Variants in HROB observed in about 807,000 individuals in gnomAD.
HROB encodes homologous recombination OB-fold protein.
HROB carries 44 observed loss-of-function variants against 61.0 expected under a neutral mutation model. The observed-to-expected ratio is 0.72, with a 90% CI of 0.57 to 0.93. HROB has a LOEUF of 0.93. HROB is among the 40% of genes least tolerant of loss of function. The pLI is 0.00. For missense variants in HROB, 716 were observed against 796.2 expected (o/e 0.90, Z 1.21); for synonymous variants, 301 against 310.4 (o/e 0.97, Z 0.32).
In HROB at chr17:44,148,777, C is replaced by A; in HGVS notation, c.974C>A (p.Ser325Tyr). 3 of 1,614,200 alleles carry A rather than the reference C, an allele frequency of 1.9e-6. No homozygotes were observed. Among genetic ancestry groups the A allele is most frequent in the Non-Finnish European group, 1.7e-6 (2 of 1,180,034 alleles). The change falls in exon 3 of 10, where the codon TCT becomes TAT. Residue 325 changes from serine (S) to tyrosine (Y), a missense_variant. Physicochemically the swap from Ser to Tyr is moderately radical, Grantham distance 144. Transcript: ENST00000585683. ...PRPRTPNSSCSTPSRTSSGLF... is the reference protein window; with the variant it reads ...PRPRTPNSSCYTPSRTSSGLF... The stretch of plus-strand genomic sequence containing the variant: ...CCTCGAACTCCCAACTCAAGCTGTT[C>A]TACTCCCTCAAGGACTAGCTCTGGA...
chr17:44,148,720 C>G lies in HROB; in HGVS notation c.917C>G (p.Ser306Cys). 6.2e-7 allele frequency: 1 copy of G among 1,614,196 alleles called. No individual in the cohort carries two copies. The highest frequency in any genetic ancestry group is 8.5e-7 in the Non-Finnish European group (1 of 1,180,032). The change falls in exon 3 of 10, where the codon TCC (serine) becomes TGC (cysteine). Residue 306 changes from serine (S) to cysteine (C), a missense_variant. By Grantham distance (112) the Ser-to-Cys change is moderately radical. Transcript: ENST00000585683. ...TGTCAGCCATTCCAGTCTCCAAGTT[C>G]CTGGTTAAGTGGCAAAGCTCATTTA... ...FPCQPFQSPSSWLSGKAHLPR... is the reference protein window; with the variant it reads ...FPCQPFQSPSCWLSGKAHLPR...
rs1043246374 is a variant in HROB at position 44,162,442 on chromosome 17, T to G, written c.*510T>G. On this transcript the variant is annotated 3_prime_UTR_variant, in exon 10 of 10. Transcript: ENST00000585683. Reference sequence around the variant, plus strand: ...AGGTGCAGGACAGAGGTGTGGCCTATTGTACCTTGTTCTGAAATAAAGCAT... The same window carrying G: ...AGGTGCAGGACAGAGGTGTGGCCTAGTGTACCTTGTTCTGAAATAAAGCAT... 6.5e-6 allele frequency: 1 copy of G among 153,098 alleles called. No homozygotes were observed. The highest frequency in any genetic ancestry group is 2.4e-5 in the African/African-American group (1 of 41,476). The allele number at this position is 153,098 out of a possible 1,614,324, so 9.5% of individuals were successfully genotyped here. A position where few individuals can be genotyped will look rare whatever the true frequency, so the allele number is the denominator to read the frequency against.
rs148641287 is a variant in HROB, at chr17:44,157,897, A to C, written c.1835A>C (p.Asn612Thr). Residue 612 changes from asparagine to threonine, a missense_variant, in exon 9 of 10, where the codon AAC becomes ACC. Physicochemically the swap from Asn to Thr is moderately conservative, Grantham distance 65. Transcript: ENST00000585683. The part of the protein sequence containing the change: ...KPEEGFRTAQ[N>T]LEAEASPEEE... ...GAGGAAGGCTTCAGAACAGCACAGA[A>C]CCTAGAGGCAGAGGCGTCCCCTGAG... 1.9e-4 allele frequency: 312 copies of C among 1,613,582 alleles called. No individual in the cohort carries two copies. The highest frequency in any genetic ancestry group is 2.6e-4 in the Non-Finnish European group (301 of 1,179,794).
At chr17:44,154,347 A>C in intron 5 of HROB, 1 of 530,826 alleles carries the variant, frequency 1.9e-6, no homozygotes, top group Non-Finnish European at 3.4e-6. Context: ...AAAATAAAAA[A>C]GAACGGAGGC....
intron 3 of HROB, 25 bp from the exon 4 acceptor site, chr17:44,150,936 A>C (rs755930190): frequency 3.8e-6 from 6 of 1,580,098 alleles, no homozygotes; most frequent in Non-Finnish European, 1.7e-6. Flanking sequence ...GCTTGCTCTC[A>C]TCTTCTCCTT....
chr17:44,153,047 C>T (rs912166246), intron 5 of HROB, among the ~76,000 whole-genome samples: 10 of 152,150 alleles, frequency 6.6e-5, no homozygotes, highest in African/African-American at 2.4e-4. Context: ...CTGCCACCCT[C>T]AAATCTCCCT....
intron 1 of HROB, among the ~76,000 whole-genome samples, chr17:44,144,418 G>A (rs2053551768): frequency 6.6e-6 from 1 of 152,082 alleles, no homozygotes; most frequent in South Asian, 2.1e-4. Flanking sequence ...TGAGATTATA[G>A]GTGTGAGCCA....
At position 44,142,081 on chromosome 17, in the gene HROB, G is replaced by A. The variant is rs923764003; in HGVS notation, c.-62G>A. ...CCACCTGGGTCGTGTCCAAGGCCCCGGCGACTCCCCGGACTCGGGGTGCCG... is the reference window on the plus strand; with the variant it reads ...CCACCTGGGTCGTGTCCAAGGCCCCAGCGACTCCCCGGACTCGGGGTGCCG... On this transcript the variant is annotated 5_prime_UTR_variant, in exon 1 of 10. Transcript: ENST00000585683. 5 of 1,529,982 alleles carry A rather than the reference G, an allele frequency of 3.3e-6. No individual in the cohort carries two copies. The highest frequency in any genetic ancestry group is 4.4e-6 in the Non-Finnish European group (5 of 1,143,484). 94.8% of individuals were successfully genotyped at this position (1,529,982 alleles called of 1,614,324 possible).
rs2053520943 is a variant in HROB, at chr17:44,143,506, A to C, written c.3+1361A>C. On this transcript the variant is annotated intron_variant, in intron 1 of 9. Transcript: ENST00000585683. ...AAAATACAAAAAAAAATAGCCAGGC[A>C]TTGTGGCTTGGCCTGTAATCCCAGC... is the stretch of plus-strand genomic sequence containing the variant. 2.0e-5 allele frequency among the ~76,000 whole-genome samples: 3 copies of C among 151,978 alleles called. No individual in the cohort carries two copies. In the South Asian group the frequency reaches 6.2e-4, roughly 32 times the overall value.
At chr17:44,157,405 C>CTTTTTTTTTTT (rs71160088) in intron 8 of HROB, among the ~76,000 whole-genome samples, 3 of 81,476 alleles carry the variant, frequency 3.7e-5, no homozygotes, top group African/African-American at 5.1e-5. Context: ...CATCATGTTT[C>CTTTTTTTTTTT]TTTTTTTTTT....
Position 44,148,694 on chromosome 17 carries a change from T to C in HROB, c.891T>C (p.Pro297=). 6.2e-7 allele frequency: 1 copy of C among 1,614,086 alleles called. No homozygotes were observed. The highest frequency in any genetic ancestry group is 1.1e-5 in the South Asian group (1 of 91,084). The part of the protein sequence containing the change: ...TIQSSPQNRF[P]CQPFQSPSSW... ...AGAGCAGCCCTCAAAATCGTTTCCCTTGTCAGCCATTCCAGTCTCCAAGTT... is the reference window on the plus strand; with the variant it reads ...AGAGCAGCCCTCAAAATCGTTTCCCCTGTCAGCCATTCCAGTCTCCAAGTT... Residue 297 remains proline, a synonymous_variant, in exon 3 of 10, where the codon CCT becomes CCC. Coordinates refer to ENST00000585683, the MANE Select transcript of HROB (RefSeq NM_001171251.3).
chr17:44,144,779 G>A (rs1409330646), intron 1 of HROB, among the ~76,000 whole-genome samples: 1 of 141,966 alleles, frequency 7.0e-6, no homozygotes, highest in Non-Finnish European at 1.5e-5. Flanking sequence ...TCACTCTGTC[G>A]CCCAGGCTGG....
At position 44,148,271 on chromosome 17, in the gene HROB, C is replaced by T. The variant is rs373213273; in HGVS notation, c.468C>T (p.Asp156=). 2.4e-5 allele frequency: 39 copies of T among 1,614,006 alleles called. No homozygotes were observed. The highest frequency in any genetic ancestry group is 2.3e-4 in the Admixed American group (14 of 59,980). ...GTGGCTTTGAGGGGCCTGAACAAGA[C>T]GAATTTGATAAAGTCCTGGCAAGCA... The part of the protein sequence containing the change: ...QVGGFEGPEQ[D]EFDKVLASME... The change falls in exon 3 of 10, where the codon GAC becomes GAT. Residue 156 remains aspartate (D), a synonymous_variant. Coordinates refer to ENST00000585683, the MANE Select transcript of HROB (RefSeq NM_001171251.3).
rs5820524 is a variant in HROB, at chr17:44,144,741, CTT to C, written c.4-445_4-444del. Among the ~76,000 whole-genome samples, 234 of 128,856 alleles carry C rather than the reference CTT, an allele frequency of 1.8e-3. 3 individuals carry two copies. The highest frequency in any genetic ancestry group is 3.3e-3 in the African/African-American group (111 of 33,418). The allele number at this position is 128,856 out of a possible 152,430, so 84.5% of individuals were successfully genotyped here. On this transcript the variant is annotated intron_variant, in intron 1 of 9. Coordinates refer to ENST00000585683, the MANE Select transcript of HROB (RefSeq NM_001171251.3). ...AGTAAGTTTTTTAGAATACTTGGGT[CTT>C]TTTTTTTTTTTTTTTTGATACAGAC...
chr17:44,161,653 C>T (rs1486618537), intron 9 of HROB, among the ~76,000 whole-genome samples: 1 of 152,168 alleles, frequency 6.6e-6, no homozygotes, highest in Non-Finnish European at 1.5e-5. Context: ...AGGGATTACG[C>T]CCCCGCCTTT....
At chr17:44,152,609 A>G in intron 4 of HROB, 28 bp from the exon 5 acceptor site, 2 of 1,610,182 alleles carry the variant, frequency 1.2e-6, no homozygotes, top group African/African-American at 1.3e-5. Flanking sequence ...CTATTCATAC[A>G]GGCTCCCCCT....
chr17:44,149,034 G>A lies in HROB; in HGVS notation c.1224+7G>A, dbSNP rs1028449948. The A allele has an allele frequency of 6.2e-7, 1 of 1,610,254 alleles. No individual in the cohort carries two copies. The highest frequency in any genetic ancestry group is 1.1e-5 in the South Asian group (1 of 90,806). ...TGGGATCCTGCCTCACCAGGTGAGT[G>A]AGCTGGCTTTCTAGGATTTGGTGGG... On this transcript the variant is annotated splice_region_variant and intron_variant, in intron 3 of 9. Transcript: ENST00000585683.
At chr17:44,143,498 A>G (rs1230842701) in intron 1 of HROB, among the ~76,000 whole-genome samples, 2 of 151,990 alleles carry the variant, frequency 1.3e-5, no homozygotes, top group African/African-American at 4.8e-5. Flanking sequence ...AAAAAAAAAT[A>G]GCCAGGCATT....
intron 1 of HROB, among the ~76,000 whole-genome samples, chr17:44,142,822 A>T (rs1460391586): frequency 6.6e-6 from 1 of 152,156 alleles, no homozygotes; most frequent in Non-Finnish European, 1.5e-5. Flanking sequence ...CTGTGCAGAC[A>T]TGTTTGGATT....
Sources: gnomAD v4.1 joint callset for allele counts (sites outside exome capture counted in the v4.1 genomes callset) on GRCh38, gnomAD v4.1.1 for gene constraint, MANE v1.5 for transcripts, NCBI Gene and HGNC (gene_info 2026-07-23, HGNC 2026-07-21) for gene names.